Variants in VRK2 observed in about 807,000 individuals in gnomAD.
VRK2 encodes the protein VRK serine/threonine kinase 2.
A neutral mutation model predicts 57.6 loss-of-function variants in VRK2; 60 were observed. That is an observed-to-expected ratio of 1.04 (90% CI 0.85 to 1.29). The LOEUF (loss-of-function observed/expected upper bound fraction) is 1.29. Among genes scored for constraint, VRK2 ranks in the 50% most tolerant of loss-of-function variants. The pLI is 0.00. For synonymous variants in VRK2, 231 were observed against 199.2 expected, an observed-to-expected ratio of 1.16 and a Z score of -1.35; for missense variants, 705 against 588.1, an observed-to-expected ratio of 1.20 and a Z score of -2.06.
At chr2:58,074,385 G>T (rs754493236) in intron 2 of VRK2, among the ~76,000 whole-genome samples, 6 of 150,714 alleles carry the variant, frequency 4.0e-5, no homozygotes, top group Non-Finnish European at 8.9e-5. Flanking sequence ...TGTTTTTTTT[G>T]CCTTCTCTGT....
At chr2:57,940,608 A>G (rs1671062373) in intron 1 of VRK2, among the ~76,000 whole-genome samples, 2 of 152,270 alleles carry the variant, frequency 1.3e-5, no homozygotes, top group African/African-American at 2.4e-5. Flanking sequence ...ACAAATAGGG[A>G]AAAAAAGGTC....
intron 3 of VRK2, among the ~76,000 whole-genome samples, chr2:58,039,701 T>C (rs1674385164): frequency 6.6e-6 from 1 of 152,046 alleles, no homozygotes; most frequent in Admixed American, 6.6e-5. Context: ...AAAAATATTA[T>C]ATACACACAA....
chr2:58,158,594 T>C (rs1434015098), intron 12 of VRK2, among the ~76,000 whole-genome samples: 1 of 152,110 alleles, frequency 6.6e-6, no homozygotes, highest in African/African-American at 2.4e-5. Flanking sequence ...AGTTAGTTAC[T>C]TGATAAATGG....
At chr2:57,971,981 T>C (rs913952303) in intron 1 of VRK2, among the ~76,000 whole-genome samples, 2 of 151,942 alleles carry the variant, frequency 1.3e-5, no homozygotes, top group African/African-American at 4.8e-5. Context: ...CCTAATTACA[T>C]TGAATTGTCT....
At chr2:57,945,300 A>T (rs184377755) in intron 1 of VRK2, among the ~76,000 whole-genome samples, 1 of 152,166 alleles carries the variant, frequency 6.6e-6, no homozygotes, top group Admixed American at 6.5e-5. Flanking sequence ...TTAAATTTCC[A>T]TCATGAAGAT....
intron 1 of VRK2, among the ~76,000 whole-genome samples, chr2:58,009,652 T>C (rs1215147489): frequency 1.3e-5 from 2 of 151,614 alleles, no homozygotes; most frequent in Admixed American, 6.6e-5. Flanking sequence ...TAATCACTAA[T>C]GTTCTTTCTG....
chr2:57,979,534 G>T (rs370261694), intron 1 of VRK2, among the ~76,000 whole-genome samples: 1 of 146,236 alleles, frequency 6.8e-6, no homozygotes, highest in Non-Finnish European at 1.5e-5. Context: ...GTTTGGTATT[G>T]GAATGATGTT....
At chr2:58,136,024 C>CA (rs1278089668) in intron 10 of VRK2, among the ~76,000 whole-genome samples, 1 of 152,150 alleles carries the variant, frequency 6.6e-6, no homozygotes, top group Non-Finnish European at 1.5e-5. Context: ...TAGATATGTA[C>CA]ACTGACCTCT....
At chr2:57,970,349 G>T (rs1335033321) in intron 1 of VRK2, among the ~76,000 whole-genome samples, 1 of 151,152 alleles carries the variant, frequency 6.6e-6, no homozygotes, top group Non-Finnish European at 1.5e-5. Flanking sequence ...TAGTAACAAA[G>T]AAGTAACAAG....
chr2:58,123,010 T>A, intron 7 of VRK2, 91 bp from the exon 8 acceptor site: 1 of 1,481,302 alleles, frequency 6.8e-7, no homozygotes. Flanking sequence ...CTGAGGCTGT[T>A]CTTAACCTAT....
chr2:58,092,797 A>G (rs1268665764), intron 7 of VRK2, among the ~76,000 whole-genome samples: 1 of 152,154 alleles, frequency 6.6e-6, no homozygotes, highest in African/African-American at 2.4e-5. Context: ...ATATCTCCTA[A>G]TGCTATCCCT....
At chr2:57,912,885 A>G (rs927045696) in intron 1 of VRK2, among the ~76,000 whole-genome samples, 1 of 152,164 alleles carries the variant, frequency 6.6e-6, no homozygotes, top group Non-Finnish European at 1.5e-5. Context: ...ACTTTGGGAC[A>G]TGATGGTGAA....
In VRK2 at chr2:58,159,686, T is replaced by TTCTC; in HGVS notation, c.1522_1525dup (p.Ter509SerfsTer14). 6.2e-7 allele frequency: 1 copy of TTCTC among 1,612,662 alleles called. No individual in the cohort carries two copies. The highest frequency in any genetic ancestry group is 8.5e-7 in the Non-Finnish European group (1 of 1,179,452). ...ATGTTAGTATTTCTTGCTTTATTTT[T>TTCTC]TCTCTGAAGATGATACCAAAATTCC... On this transcript the variant is annotated frameshift_variant, in exon 13 of 13. Coordinates refer to ENST00000340157, the MANE Select transcript of VRK2 (RefSeq NM_006296.7). LOFTEE classifies it high-confidence loss of function.
chr2:57,909,649 T>C (rs973159170), intron 1 of VRK2, among the ~76,000 whole-genome samples: 1 of 152,210 alleles, frequency 6.6e-6, no homozygotes, highest in African/African-American at 2.4e-5. Context: ...AAGAAATTCA[T>C]TTTTAATCAT....
chr2:57,929,779 G>T (rs774792079), intron 1 of VRK2, among the ~76,000 whole-genome samples: 1 of 152,076 alleles, frequency 6.6e-6, no homozygotes, highest in Non-Finnish European at 1.5e-5. Context: ...AGCAGGTGAC[G>T]AATCCTTCTA....
intron 1 of VRK2, among the ~76,000 whole-genome samples, chr2:57,983,167 T>C (rs1453835464): frequency 2.0e-5 from 3 of 152,160 alleles, no homozygotes; most frequent in Non-Finnish European, 4.4e-5. Context: ...AGTATGCTGA[T>C]CTACTTGAGG....
At chr2:57,920,409 A>G (rs1180017418) in intron 1 of VRK2, among the ~76,000 whole-genome samples, 1 of 152,098 alleles carries the variant, frequency 6.6e-6, no homozygotes, top group Non-Finnish European at 1.5e-5. Context: ...TATCCTCACG[A>G]TCAATTGATT....
At chr2:57,954,043 G>A (rs1039761179) in intron 1 of VRK2, among the ~76,000 whole-genome samples, 3 of 152,018 alleles carry the variant, frequency 2.0e-5, no homozygotes, top group Non-Finnish European at 4.4e-5. Context: ...TCCAGCACTT[G>A]TTTCAGTGTT....
intron 1 of VRK2, among the ~76,000 whole-genome samples, chr2:57,959,281 T>C (rs902187541): frequency 6.6e-6 from 1 of 152,226 alleles, no homozygotes; most frequent in East Asian, 1.9e-4. Flanking sequence ...CATGTTCTTA[T>C]CATTCTTTCG....
Sources: allele counts gnomAD v4.1 joint callset (sites outside exome capture counted in the v4.1 genomes callset), GRCh38; gene constraint gnomAD v4.1.1; transcripts MANE v1.5; gene names NCBI Gene and HGNC (gene_info 2026-07-23, HGNC 2026-07-21).